Variants in FAT3 observed in about 807,000 individuals in gnomAD.
FAT3 encodes the protein FAT atypical cadherin 3.
FAT3 carries 95 observed loss-of-function variants against 310.2 expected under a neutral mutation model. The observed-to-expected ratio is 0.31, with a 90% CI of 0.26 to 0.36. The LOEUF is 0.36. Among genes scored for constraint, FAT3 ranks in the 10% least tolerant of loss-of-function variants. The pLI is 1.00. For missense variants in FAT3, 5,408 were observed against 5,715.6 expected, an observed-to-expected ratio of 0.95 and a Z score of 1.74; for synonymous variants, 2,314 against 2,192.9, an observed-to-expected ratio of 1.06 and a Z score of -1.54.
At chr11:92,342,395 T>G (rs1948287731) in intron 1 of FAT3, among the ~76,000 whole-genome samples, 1 of 152,182 alleles carries the variant, frequency 6.6e-6, no homozygotes, top group Non-Finnish European at 1.5e-5. Flanking sequence ...ATCTTCTGCT[T>G]TCGTATCTTC....
At chr11:92,767,121 C>T (rs542184222) in intron 6 of FAT3, among the ~76,000 whole-genome samples, 132 of 152,020 alleles carry the variant, frequency 8.7e-4, no homozygotes, top group African/African-American at 2.5e-3. Context: ...TGATGGCGGG[C>T]GCCTGTAATC....
chr11:92,795,217 C>T (rs564805835), intron 9 of FAT3, among the ~76,000 whole-genome samples: 34 of 151,964 alleles, frequency 2.2e-4, no homozygotes, highest in African/African-American at 7.2e-4. Context: ...GAGTTGAGTT[C>T]GGGTGAGGGC....
At chr11:92,529,686 G>T (rs1954001342) in intron 3 of FAT3, among the ~76,000 whole-genome samples, 2 of 152,076 alleles carry the variant, frequency 1.3e-5, no homozygotes, top group African/African-American at 4.8e-5. Flanking sequence ...TCCAGGATTA[G>T]CATATGCTGC....
chr11:92,441,930 T>A, intron 2 of FAT3, among the ~76,000 whole-genome samples: 1 of 151,586 alleles, frequency 6.6e-6, no homozygotes, highest in Non-Finnish European at 1.5e-5. Context: ...TACCTTCAAA[T>A]ACCCACTTTC....
At chr11:92,362,087 C>T (rs887679127) in intron 2 of FAT3, among the ~76,000 whole-genome samples, 3 of 152,168 alleles carry the variant, frequency 2.0e-5, no homozygotes, top group African/African-American at 7.2e-5. Context: ...AGGAAAGACT[C>T]ACAGGCCCGT....
In FAT3 at chr11:92,859,151, A is replaced by G. The variant is rs1949058104; in HGVS notation, c.11501-14A>G. 2 of 1,611,188 alleles carry G rather than the reference A, an allele frequency of 1.2e-6. No homozygotes were observed. The highest frequency in any genetic ancestry group is 2.2e-5 in the East Asian group (1 of 44,804). On this transcript the variant is annotated splice_polypyrimidine_tract_variant and intron_variant, in intron 20 of 27. Transcript: ENST00000525166. The stretch of plus-strand genomic sequence containing the variant: ...GTTAAAAATATATATGTCTTCTCAT[A>G]ACGGTCTTTTCAGGGCACACTTCTC...
intron 2 of FAT3, among the ~76,000 whole-genome samples, chr11:92,519,727 T>TA (rs1435957909): frequency 2.0e-5 from 3 of 152,104 alleles, no homozygotes; most frequent in Admixed American, 2.0e-4. Flanking sequence ...CTACGATAAC[T>TA]TCTTTATCTT....
At chr11:92,657,975 C>T (rs1942640611) in intron 3 of FAT3, among the ~76,000 whole-genome samples, 1 of 152,084 alleles carries the variant, frequency 6.6e-6, no homozygotes, top group Admixed American at 6.6e-5. Flanking sequence ...AAATTTTCTA[C>T]TTGCCACATT....
intron 1 of FAT3, among the ~76,000 whole-genome samples, chr11:92,306,650 A>G (rs1947135413): frequency 8.1e-6 from 1 of 123,328 alleles, no homozygotes; most frequent in Non-Finnish European, 1.6e-5. Flanking sequence ...TATATTATAT[A>G]TATTATATAT....
At chr11:92,253,112 C>A (rs1047742796) in intron 1 of FAT3, among the ~76,000 whole-genome samples, 1 of 152,008 alleles carries the variant, frequency 6.6e-6, no homozygotes, top group Non-Finnish European at 1.5e-5. Context: ...CACTGTTTTG[C>A]AGGCTCACTT....
chr11:92,368,652 C>T (rs111941590), intron 2 of FAT3, among the ~76,000 whole-genome samples: 3,943 of 152,002 alleles, frequency 0.026, 187 homozygotes, highest in African/African-American at 0.091. Context: ...AGCCTAATTT[C>T]TCCTCCAAAA....
chr11:92,629,968 T>G, intron 3 of FAT3, among the ~76,000 whole-genome samples: 1 of 152,158 alleles, frequency 6.6e-6, no homozygotes, highest in South Asian at 2.1e-4. Flanking sequence ...AAATCTTTGT[T>G]TTTTTTAGCA....
Position 92,837,790 on chromosome 11 carries a change from A to C in FAT3, c.10352A>C (p.Tyr3451Ser). The C allele has an allele frequency of 1.2e-6, 2 of 1,613,968 alleles. No homozygotes were observed. ...DNSPVFTPAN[Y>S]TAVIQENKPV... ...AGCCCGGTGTTTACACCTGCCAACT[A>C]TACTGCTGTGATTCAGGTGAGAAAA... The change falls in exon 17 of 28, where the codon TAT (tyrosine) becomes TCT (serine). Residue 3451 changes from tyrosine to serine, a missense_variant. Around this residue, in one of 5 missense-constraint regions of FAT3, gnomAD observed 4,588 missense variants for 4,809.8 expected, o/e 0.95. Coordinates refer to ENST00000525166, the MANE Select transcript of FAT3 (RefSeq NM_001367949.2).
intron 3 of FAT3, among the ~76,000 whole-genome samples, chr11:92,544,071 G>T (rs1180161296): frequency 6.6e-6 from 1 of 152,190 alleles, no homozygotes; most frequent in Non-Finnish European, 1.5e-5. Context: ...TACTAGGGAA[G>T]CTATTTTGTG....
chr11:92,612,198 T>C (rs887438012), intron 3 of FAT3, among the ~76,000 whole-genome samples: 1 of 152,238 alleles, frequency 6.6e-6, no homozygotes, highest in Admixed American at 6.5e-5. Context: ...TTCAGTTTTA[T>C]ACTACACATT....
chr11:92,366,894 C>T (rs1949036716), intron 2 of FAT3: 1 of 533,378 alleles, frequency 1.9e-6, no homozygotes, highest in African/African-American at 1.9e-5. Flanking sequence ...GGTGGGACAT[C>T]ACAGGTGCAC....
At chr11:92,463,137 A>G (rs1353100734) in intron 2 of FAT3, among the ~76,000 whole-genome samples, 1 of 152,204 alleles carries the variant, frequency 6.6e-6, no homozygotes, top group Non-Finnish European at 1.5e-5. Context: ...CTTTGCTATT[A>G]CCTTCACAGA....
chr11:92,847,410 C>T (rs1398936721), intron 19 of FAT3, among the ~76,000 whole-genome samples: 5 of 152,138 alleles, frequency 3.3e-5, no homozygotes, highest in Non-Finnish European at 2.9e-5. Context: ...TTTGTGTAAG[C>T]GCACTCTATG....
rs762657753 is a variant in FAT3 at position 92,798,499 on chromosome 11, G to A, written c.5486G>A (p.Ser1829Asn). The change falls in exon 10 of 28, where the codon AGT becomes AAT. Residue 1829 changes from serine (S) to asparagine (N), a missense_variant. Physicochemically the swap from Ser to Asn is conservative, Grantham distance 46 (BLOSUM62 1). Around this residue, in one of 5 missense-constraint regions of FAT3, gnomAD observed 4,588 missense variants for 4,809.8 expected, o/e 0.95. Transcript: ENST00000525166. Reference protein sequence around the residue: ...TAKKFFTVDSSTGAIRTIANL... With the variant: ...TAKKFFTVDSNTGAIRTIANL... ...AAAAAGTTTTTCACGGTGGACTCCA[G>A]TACAGGTGCAATCAGAACAATTGCC... The A allele has an allele frequency of 1.2e-6, 2 of 1,613,800 alleles. No homozygotes were observed. Among genetic ancestry groups the A allele is most frequent in the South Asian group, 1.1e-5 (1 of 91,050 alleles).
Sources: allele counts gnomAD v4.1 joint callset (sites outside exome capture counted in the v4.1 genomes callset), GRCh38; gene constraint gnomAD v4.1.1; regional missense constraint gnomAD v4.1.1; transcripts MANE v1.5; gene names NCBI Gene and HGNC (gene_info 2026-07-23, HGNC 2026-07-21).